RBFOX1: variants seen among roughly 807,000 people sequenced by gnomAD.
RBFOX1 encodes RNA binding fox-1 homolog 1.
A neutral mutation model predicts 57.7 loss-of-function variants in RBFOX1; 8 were observed. The ratio of observed to expected loss-of-function variants is 0.14; its 90% confidence interval spans 0.08 to 0.25. The LOEUF (loss-of-function observed/expected upper bound fraction) is 0.25, where lower values mean the gene tolerates loss of function less well. Among genes scored for constraint, RBFOX1 ranks in the 10% least tolerant of loss-of-function variants. The pLI, the probability that RBFOX1 is intolerant of heterozygous loss-of-function variation, is 1.00. For synonymous variants in RBFOX1, 326 were observed against 222.4 expected (o/e 1.47, Z -4.15); for missense variants, 611 against 548.5 (o/e 1.11, Z -1.14).
At chr16:7,319,359 A>C (rs186175169) in intron 4 of RBFOX1, among the ~76,000 whole-genome samples, 2 of 152,158 alleles carry the variant, frequency 1.3e-5, no homozygotes, top group Admixed American at 6.5e-5. Context: ...GTGTAGAAAA[A>C]TTAGTGCCTA....
At chr16:5,563,750 C>T (rs2045968379) in intron 2 of RBFOX1, among the ~76,000 whole-genome samples, 2 of 152,202 alleles carry the variant, frequency 1.3e-5, no homozygotes, top group Admixed American at 1.3e-4. Context: ...CATATATTCA[C>T]AGAGTTGTGC....
At chr16:6,796,225 A>G (rs777859857) in intron 3 of RBFOX1, among the ~76,000 whole-genome samples, 14 of 152,136 alleles carry the variant, frequency 9.2e-5, no homozygotes, top group Non-Finnish European at 1.5e-4. Context: ...AGACTTATTC[A>G]CTATGAAGAG....
rs555277293 is a variant in RBFOX1, at chr16:6,487,609, C to T, written c.-63-166994C>T. Reference sequence around the variant, plus strand: ...GTCATGAAGGCCAGGAAAGACTTTTCAAGAAAAGATACAATTATAGTAGAA... The same window carrying T: ...GTCATGAAGGCCAGGAAAGACTTTTTAAGAAAAGATACAATTATAGTAGAA... On this transcript the variant is annotated intron_variant, in intron 2 of 15. Coordinates refer to ENST00000550418, the MANE Select transcript of RBFOX1 (RefSeq NM_018723.4). Among the ~76,000 whole-genome samples, 173 of 128,306 alleles carry T rather than the reference C, an allele frequency of 1.3e-3. 1 individual carries two copies. Among genetic ancestry groups the T allele is most frequent in the African/African-American group, 4.9e-3 (163 of 33,052 alleles). The allele number at this position is 128,306 out of a possible 152,430, so 84.2% of individuals were successfully genotyped here.
chr16:6,318,365 G>C (rs12922598), intron 2 of RBFOX1, among the ~76,000 whole-genome samples: 30,268 of 152,122 alleles, frequency 0.2, 3,115 homozygotes, highest in South Asian at 0.28. Flanking sequence ...TAAGTAAAAA[G>C]GTGGGGGCTG....
intron 4 of RBFOX1, among the ~76,000 whole-genome samples, chr16:7,363,503 A>AT (rs1291492344): frequency 4.6e-5 from 7 of 151,632 alleles, no homozygotes; most frequent in Non-Finnish European, 1.0e-4. Context: ...AGGAAAAAAA[A>AT]AATAAGTAAA....
chr16:7,199,518 G>A (rs532236993), intron 4 of RBFOX1, among the ~76,000 whole-genome samples: 1 of 152,162 alleles, frequency 6.6e-6, no homozygotes, highest in Non-Finnish European at 1.5e-5. Context: ...TGTCATTGCT[G>A]TGTATACTCA....
chr16:6,849,288 C>G (rs1284695115), intron 3 of RBFOX1, among the ~76,000 whole-genome samples: 1 of 152,146 alleles, frequency 6.6e-6, no homozygotes, highest in Non-Finnish European at 1.5e-5. Flanking sequence ...CTGCAATATT[C>G]TGCTCATTGG....
At chr16:6,449,020 G>A (rs1054167715) in intron 2 of RBFOX1, among the ~76,000 whole-genome samples, 1 of 152,280 alleles carries the variant, frequency 6.6e-6, no homozygotes, top group South Asian at 2.1e-4. Context: ...GAAGGTAGCA[G>A]TTATCATTAG....
chr16:6,558,323 C>T (rs528511669), intron 2 of RBFOX1, among the ~76,000 whole-genome samples: 7 of 152,032 alleles, frequency 4.6e-5, no homozygotes, highest in Non-Finnish European at 8.8e-5. Flanking sequence ...AGCATGTTGC[C>T]GCTGCTGCTG....
chr16:6,849,855 C>T (rs746301945), intron 3 of RBFOX1, among the ~76,000 whole-genome samples: 17 of 152,092 alleles, frequency 1.1e-4, no homozygotes, highest in Non-Finnish European at 1.3e-4. Context: ...CCTTATTTTT[C>T]TTCCTACCCT....
chr16:6,895,235 G>A (rs1278630933), intron 3 of RBFOX1, among the ~76,000 whole-genome samples: 1 of 151,690 alleles, frequency 6.6e-6, no homozygotes, highest in Admixed American at 6.6e-5. Context: ...GAGACCAAAT[G>A]TATATCCCAA....
chr16:6,033,023 G>A (rs1011566692), intron 1 of RBFOX1, among the ~76,000 whole-genome samples: 1 of 152,066 alleles, frequency 6.6e-6, no homozygotes, highest in Admixed American at 6.5e-5. Context: ...TGCAAAGGAA[G>A]GTAGTGTAGG....
At chr16:5,898,525 G>GT (rs36121105) in intron 4 of RBFOX1, among the ~76,000 whole-genome samples, 43,741 of 144,024 alleles carry the variant, frequency 0.3, 7,491 homozygotes, top group South Asian at 0.51. Flanking sequence ...CAGTAGCAGG[G>GT]TTTTTTTTTT....
chr16:5,768,897 C>T (rs918233334), intron 3 of RBFOX1, among the ~76,000 whole-genome samples: 3 of 151,990 alleles, frequency 2.0e-5, no homozygotes, highest in African/African-American at 7.2e-5. Context: ...TGTTTTCCCC[C>T]TGTAACCCAT....
chr16:7,447,344 A>T (rs944470762), intron 4 of RBFOX1, among the ~76,000 whole-genome samples: 2 of 150,144 alleles, frequency 1.3e-5, no homozygotes, highest in Non-Finnish European at 3.0e-5. Context: ...GAGGCAGAAG[A>T]ATTGCTTGAG....
At chr16:6,863,767 C>T (rs1193655277) in intron 3 of RBFOX1, among the ~76,000 whole-genome samples, 25 of 80,528 alleles carry the variant, frequency 3.1e-4, no homozygotes, top group African/African-American at 1.3e-3. Flanking sequence ...AAACCAAATA[C>T]AACCTTACAG....
At chr16:6,647,927 A>G (rs2098547104) in intron 2 of RBFOX1, among the ~76,000 whole-genome samples, 1 of 152,064 alleles carries the variant, frequency 6.6e-6, no homozygotes, top group Non-Finnish European at 1.5e-5. Context: ...CTGCAACATC[A>G]GTCTACAGGG....
chr16:6,541,043 C>G (rs754946309), intron 2 of RBFOX1, among the ~76,000 whole-genome samples: 1 of 152,032 alleles, frequency 6.6e-6, no homozygotes, highest in Admixed American at 6.6e-5. Flanking sequence ...AAGAGGGATC[C>G]TAGGATAATG....
intron 11 of RBFOX1, among the ~76,000 whole-genome samples, chr16:7,652,820 G>T (rs2065369919): frequency 6.6e-6 from 1 of 152,130 alleles, no homozygotes; most frequent in Non-Finnish European, 1.5e-5. Flanking sequence ...TCAGATGTTG[G>T]TAATAAGCTG....
Sources: gnomAD v4.1 joint callset for allele counts (sites outside exome capture counted in the v4.1 genomes callset) on GRCh38, gnomAD v4.1.1 for gene constraint, MANE v1.5 for transcripts, NCBI Gene and HGNC (gene_info 2026-07-23, HGNC 2026-07-21) for gene names.